TSC2: variants seen among roughly 807,000 people sequenced by gnomAD.
TSC2 encodes TSC complex subunit 2, also known as tuberin.
TSC2 carries 29 observed loss-of-function variants against 202.2 expected under a neutral mutation model. The ratio of observed to expected loss-of-function variants is 0.14; its 90% CI spans 0.11 to 0.20. The LOEUF (loss-of-function observed/expected upper bound fraction) is 0.20. Ranked by LOEUF, TSC2 falls within the 10% of genes least tolerant of loss-of-function variation. The pLI is 1.00. For synonymous variants in TSC2, 1,349 were observed against 1,044.0 expected, an observed-to-expected ratio of 1.29 and a Z score of -5.63; for missense variants, 2,429 against 2,420.0, an observed-to-expected ratio of 1.00 and a Z score of -0.08.
In TSC2 at chr16:2,062,981, C is replaced by G. The variant is rs1060504093; in HGVS notation, c.1371C>G (p.Ser457=). 1.3e-6 allele frequency: 2 copies of G among 1,550,678 alleles called. No homozygotes were observed. Among genetic ancestry groups the G allele is most frequent in the Non-Finnish European group, 1.7e-6 (2 of 1,146,842 alleles). Residue 457 remains serine (S), a synonymous_variant, in exon 14 of 42, where the codon TCC becomes TCG. Coordinates refer to ENST00000219476, the MANE Select transcript of TSC2 (RefSeq NM_000548.5). ...GGCTGCCGTCCCGCAGGAGCGAGTCCCGAGGCGCCGTGCGCATCAAGGTGC... is the reference window on the plus strand; with the variant it reads ...GGCTGCCGTCCCGCAGGAGCGAGTCGCGAGGCGCCGTGCGCATCAAGGTGC... The part of the protein sequence containing the change: ...ALMERFFRSE[S]RGAVRIKVLD...
In TSC2 at chr16:2,080,701, G is replaced by C. The variant is rs371126578; in HGVS notation, c.3610+324G>C. ...GGGTTTCACTGTGTTAGCCAGGATG[G>C]TCTCAATCTCCTGACCTCGTGATCC... is the stretch of plus-strand genomic sequence containing the variant. On this transcript the variant is annotated intron_variant, in intron 30 of 41. Transcript: ENST00000219476. The C allele has an allele frequency of 2.5e-4, 83 of 336,548 alleles. No individual in the cohort carries two copies. In the East Asian group the frequency reaches 4.0e-3, roughly 16 times the overall value. 20.8% of individuals were successfully genotyped at this position (336,548 alleles called of 1,614,324 possible).
chr16:2,082,339 CCT>C (rs1442494095), intron 31 of TSC2, 95 bp from the exon 32 acceptor site: 4 of 1,439,436 alleles, frequency 2.8e-6, no homozygotes, highest in Non-Finnish European at 3.9e-6. Context: ...CTGGCCCTGC[CCT>C]CTCTCCTCTG....
chr16:2,063,067 C>A lies in TSC2; in HGVS notation c.1443+14C>A, dbSNP rs753454333. ...CAGTTCTATGAGGTGCGTGTCCAGG[C>A]GGCCGCAGCTGGGGGCTCAGGGCTA... On this transcript the variant is annotated intron_variant, in intron 14 of 41. Transcript: ENST00000219476. The A allele has an allele frequency of 5.8e-6, 9 of 1,551,252 alleles. No individual in the cohort carries two copies. Among genetic ancestry groups the A allele is most frequent in the East Asian group, 4.9e-5 (2 of 40,918 alleles).
At chr16:2,050,140 A>G (rs1370356645) in intron 2 of TSC2, among the ~76,000 whole-genome samples, 1 of 151,964 alleles carries the variant, frequency 6.6e-6, no homozygotes, top group Non-Finnish European at 1.5e-5. Flanking sequence ...TATTTTTAGT[A>G]GAGACAGGGT....
In TSC2 at chr16:2,080,690, T is replaced by C. The variant is rs529165189; in HGVS notation, c.3610+313T>C. 6.7e-5 allele frequency: 24 copies of C among 360,174 alleles called. No individual in the cohort carries two copies. The East Asian group carries it at 8.5e-4, about 13-fold the overall frequency. 22.3% of individuals were successfully genotyped at this position (360,174 alleles called of 1,614,324 possible). A position where few individuals can be genotyped will look rare whatever the true frequency, so the allele number is the denominator to read the frequency against. On this transcript the variant is annotated intron_variant, in intron 30 of 41. Coordinates refer to ENST00000219476, the MANE Select transcript of TSC2 (RefSeq NM_000548.5). ...TAGTAGAGATGGGGTTTCACTGTGTTAGCCAGGATGGTCTCAATCTCCTGA... is the reference window on the plus strand; with the variant it reads ...TAGTAGAGATGGGGTTTCACTGTGTCAGCCAGGATGGTCTCAATCTCCTGA...
At chr16:2,055,968 T>A (rs955459439) in intron 6 of TSC2, 16 of 623,764 alleles carry the variant, frequency 2.6e-5, no homozygotes, top group Non-Finnish European at 4.7e-5. Context: ...TATCTTTTTG[T>A]TGTTTGTTTA....
intron 9 of TSC2, 142 bp from the exon 10 acceptor site, chr16:2,058,605 C>A: frequency 7.8e-7 from 1 of 1,289,152 alleles, no homozygotes; most frequent in Non-Finnish European, 1.1e-6. Flanking sequence ...CTGTTCCCTG[C>A]CCTTCCCCAG....
intron 9 of TSC2, among the ~76,000 whole-genome samples, chr16:2,058,488 C>T (rs1212933654): frequency 6.6e-6 from 1 of 152,272 alleles, no homozygotes; most frequent in Non-Finnish European, 1.5e-5. Flanking sequence ...TGGGCCATCC[C>T]TCTTGCCTGC....
Position 2,079,108 on chromosome 16 carries a change from C to G in TSC2, c.3043C>G (p.Leu1015Val), listed in dbSNP as rs2151432458. Residue 1015 changes from leucine to valine, a missense_variant, in exon 27 of 42, where the codon CTG becomes GTG. Transcript: ENST00000219476. The surrounding 1 kb of genome is among the most constrained non-coding windows in gnomAD (Gnocchi z 4.6). The stretch of plus-strand genomic sequence containing the variant: ...CTCCGTGGCCCAGGCTGACGATAGC[C>G]TGAAAAACCTCCACCTGGAGCTCAC... ...ENSVAQADDSLKNLHLELTET... is the reference protein window; with the variant it reads ...ENSVAQADDSVKNLHLELTET... 2 of 1,613,072 alleles carry G rather than the reference C, an allele frequency of 1.2e-6. No individual in the cohort carries two copies. Among genetic ancestry groups the G allele is most frequent in the South Asian group, 2.2e-5 (2 of 91,086 alleles).
chr16:2,065,285 C>T (rs536906796), intron 15 of TSC2: 27 of 504,710 alleles, frequency 5.3e-5, no homozygotes, highest in Admixed American at 1.9e-4. Flanking sequence ...TGGTGGCGGG[C>T]GCCTGTAGTC....
rs777121421 is a variant in TSC2 at position 2,065,573 on chromosome 16, G to A, written c.1654G>A (p.Ala552Thr). 2.5e-6 allele frequency: 4 copies of A among 1,613,712 alleles called. No individual in the cohort carries two copies. The highest frequency in any genetic ancestry group is 2.2e-5 in the East Asian group (1 of 44,896). The change falls in exon 16 of 42, where the codon GCA becomes ACA. Residue 552 changes from alanine to threonine, a missense_variant. Coordinates refer to ENST00000219476, the MANE Select transcript of TSC2 (RefSeq NM_000548.5). ...PPELEERDVA[A>T]YSASLEDVKT... ...GGAGCTGGAAGAAAGGGATGTGGCCGCATACTCGGCCTCCTTGGAGGATGT... is the reference window on the plus strand; with the variant it reads ...GGAGCTGGAAGAAAGGGATGTGGCCACATACTCGGCCTCCTTGGAGGATGT...
chr16:2,082,314 C>T (rs934859272), intron 31 of TSC2, 122 bp from the exon 32 acceptor site: 6 of 1,147,382 alleles, frequency 5.2e-6, no homozygotes, highest in Non-Finnish European at 7.8e-6. Context: ...GCCCCGTGCG[C>T]GCCCCTGCCG....
chr16:2,053,221 G>A, intron 3 of TSC2, 121 bp from the exon 4 acceptor site: 1 of 965,688 alleles, frequency 1.0e-6, no homozygotes. Flanking sequence ...TTGGAGGTGG[G>A]GCTCTCAGTC....
At chr16:2,085,091 C>A in intron 35 of TSC2, 65 bp downstream of exon 35, 1 of 1,607,472 alleles carries the variant, frequency 6.2e-7, no homozygotes, top group Non-Finnish European at 8.5e-7. Flanking sequence ...GGTGGGGGGC[C>A]CAGCTCTGCT....
At chr16:2,070,374 C>G (rs572401293) in intron 16 of TSC2, 82 bp from the exon 17 acceptor site, 1 of 1,610,914 alleles carries the variant, frequency 6.2e-7, no homozygotes, top group Non-Finnish European at 8.5e-7. Flanking sequence ...GCCGCCCCGG[C>G]CCCTGCTCCG....
At chr16:2,083,969 T>G (rs28535326) in intron 33 of TSC2, among the ~76,000 whole-genome samples, 153 bp downstream of exon 33, 1 of 152,188 alleles carries the variant, frequency 6.6e-6, no homozygotes, top group Non-Finnish European at 1.5e-5. Flanking sequence ...GTCTGCACTT[T>G]GCAGCCATCC....
chr16:2,060,602 G>A, intron 10 of TSC2, 68 bp from the exon 11 acceptor site: 1 of 1,611,614 alleles, frequency 6.2e-7, no homozygotes, highest in Admixed American at 1.7e-5. Flanking sequence ...TCCCAAGGGT[G>A]ACTGGGAGGG....
At chr16:2,053,702 C>T in intron 4 of TSC2, 1 of 639,680 alleles carries the variant, frequency 1.6e-6, no homozygotes, top group Middle Eastern at 2.4e-4. Flanking sequence ...TTCTGGGGAT[C>T]ATATGAGGCA....
chr16:2,081,932 T>C, intron 31 of TSC2, 134 bp downstream of exon 31: 2 of 1,245,516 alleles, frequency 1.6e-6, no homozygotes, highest in Non-Finnish European at 2.3e-6. Flanking sequence ...TCAGCACCAT[T>C]GTTCTCCGGT....
Sources: gnomAD v4.1 joint callset for allele counts (sites outside exome capture counted in the v4.1 genomes callset) on GRCh38, gnomAD v4.1.1 for gene constraint, Gnocchi (gnomAD v3.1) non-coding constraint, MANE v1.5 for transcripts, NCBI Gene and HGNC (gene_info 2026-07-23, HGNC 2026-07-21) for gene names.